Variants in GALNT13 observed in about 807,000 individuals in gnomAD.
GALNT13 encodes UDP-GalNAc:polypeptide N-acetylgalactosaminyltransferase 13.
GALNT13 carries 28 observed loss-of-function variants against 64.2 expected under a neutral mutation model. That is an observed-to-expected ratio of 0.44 (90% CI 0.32 to 0.60). GALNT13 has a LOEUF of 0.60. Ranked by LOEUF, GALNT13 falls within the 20% of genes least tolerant of loss-of-function variation. GALNT13 has a pLI of 0.05. For synonymous variants in GALNT13, 214 were observed against 224.6 expected, an observed-to-expected ratio of 0.95 and a Z score of 0.42; for missense variants, 577 against 669.8, an observed-to-expected ratio of 0.86 and a Z score of 1.53.
At chr2:153,774,237 C>A in the GALNT13 span, among the ~76,000 whole-genome samples, 1 of 151,746 alleles carries the variant, frequency 6.6e-6, no homozygotes, top group Non-Finnish European at 1.5e-5. Context: ...TAAATATTAT[C>A]TTGAAAAACT....
intron 3 of GALNT13, among the ~76,000 whole-genome samples, chr2:153,964,840 G>A (rs2105105589): frequency 6.6e-6 from 1 of 151,704 alleles, no homozygotes; most frequent in Non-Finnish European, 1.5e-5. Context: ...ATATATTATG[G>A]GCATTTTGTC....
At chr2:154,347,781 A>G (rs1341422076) in intron 9 of GALNT13, among the ~76,000 whole-genome samples, 1 of 152,156 alleles carries the variant, frequency 6.6e-6, no homozygotes, top group Non-Finnish European at 1.5e-5. Flanking sequence ...AACTCTCAGA[A>G]GTAGTTAGTA....
At chr2:153,846,140 A>C in the GALNT13 span, among the ~76,000 whole-genome samples, 1 of 152,192 alleles carries the variant, frequency 6.6e-6, no homozygotes, top group Non-Finnish European at 1.5e-5. Context: ...TTCCTTATGA[A>C]AACATAAGAA....
At chr2:154,168,795 T>C (rs558232406) in intron 4 of GALNT13, among the ~76,000 whole-genome samples, 7 of 151,838 alleles carry the variant, frequency 4.6e-5, no homozygotes, top group African/African-American at 1.7e-4. Flanking sequence ...GTGAGTGAGA[T>C]TGCACCACTG....
intron 7 of GALNT13, among the ~76,000 whole-genome samples, chr2:154,250,360 T>C (rs936963150): frequency 6.6e-6 from 1 of 152,212 alleles, no homozygotes; most frequent in African/African-American, 2.4e-5. Flanking sequence ...ATCATCAATA[T>C]TTTTCTATGC....
chr2:153,410,690 A>C, the GALNT13 span, among the ~76,000 whole-genome samples: 1 of 152,172 alleles, frequency 6.6e-6, no homozygotes, highest in Non-Finnish European at 1.5e-5. Flanking sequence ...TAATGTAAAA[A>C]ATGTAATAAT....
chr2:153,494,433 T>C, the GALNT13 span, among the ~76,000 whole-genome samples: 3 of 152,070 alleles, frequency 2.0e-5, no homozygotes, highest in South Asian at 2.1e-4. Context: ...TATAATAGAA[T>C]AGAGGGTCTA....
chr2:153,838,082 G>A, the GALNT13 span, among the ~76,000 whole-genome samples: 1 of 151,796 alleles, frequency 6.6e-6, no homozygotes, highest in Non-Finnish European at 1.5e-5. Flanking sequence ...TCTCTATTCA[G>A]GTCCTTTGTC....
the GALNT13 span, among the ~76,000 whole-genome samples, chr2:153,272,981 C>G: frequency 1.1e-4 from 16 of 152,216 alleles, no homozygotes; most frequent in Middle Eastern, 0.017. Flanking sequence ...ATGGATGAAG[C>G]TGCAATCCAT....
At chr2:153,225,316 A>G in the GALNT13 span, among the ~76,000 whole-genome samples, 1 of 152,238 alleles carries the variant, frequency 6.6e-6, no homozygotes, top group African/African-American at 2.4e-5. Context: ...GCCTCTTGTC[A>G]AACTAGGAAT....
At chr2:153,361,523 C>A in the GALNT13 span, among the ~76,000 whole-genome samples, 15 of 151,876 alleles carry the variant, frequency 9.9e-5, no homozygotes, top group African/African-American at 3.6e-4. Flanking sequence ...TAGAGGGGAA[C>A]AAAAATGACC....
At chr2:153,632,616 T>A in the GALNT13 span, among the ~76,000 whole-genome samples, 1 of 152,194 alleles carries the variant, frequency 6.6e-6, no homozygotes, top group Non-Finnish European at 1.5e-5. Context: ...TTTTATAAAA[T>A]AAAACATATA....
chr2:153,244,983 T>TC, the GALNT13 span, among the ~76,000 whole-genome samples: 3 of 152,222 alleles, frequency 2.0e-5, no homozygotes, highest in Non-Finnish European at 4.4e-5. Context: ...TAGGCTGTTT[T>TC]CCCCTGACAG....
At chr2:154,189,645 G>T (rs1686460116) in intron 4 of GALNT13, among the ~76,000 whole-genome samples, 1 of 151,392 alleles carries the variant, frequency 6.6e-6, no homozygotes, top group Non-Finnish European at 1.5e-5. Flanking sequence ...AGTTGAAGCA[G>T]ACTAAGACAG....
At chr2:153,426,536 A>G in the GALNT13 span, among the ~76,000 whole-genome samples, 5 of 152,022 alleles carry the variant, frequency 3.3e-5, no homozygotes, top group African/African-American at 7.2e-5. Flanking sequence ...GAAGAGAACT[A>G]TGATCAAAAG....
At chr2:154,087,388 T>C (rs1434043208) in intron 3 of GALNT13, among the ~76,000 whole-genome samples, 4 of 152,112 alleles carry the variant, frequency 2.6e-5, no homozygotes, top group African/African-American at 7.2e-5. Context: ...GCACTTATTA[T>C]ATCTTGATTA....
At chr2:153,266,854 G>GT in the GALNT13 span, among the ~76,000 whole-genome samples, 5 of 152,146 alleles carry the variant, frequency 3.3e-5, no homozygotes, top group Non-Finnish European at 7.3e-5. Flanking sequence ...CTTCCCAACA[G>GT]TCCCCCACGT....
intron 3 of GALNT13, among the ~76,000 whole-genome samples, chr2:154,038,621 A>G (rs1286051165): frequency 1.3e-5 from 2 of 152,182 alleles, no homozygotes; most frequent in African/African-American, 4.8e-5. Context: ...CTCAAAATGT[A>G]TTAAATATTT....
intron 3 of GALNT13, among the ~76,000 whole-genome samples, chr2:154,050,376 C>T (rs1699530413): frequency 1.3e-5 from 2 of 152,180 alleles, no homozygotes; most frequent in Admixed American, 1.3e-4. Flanking sequence ...AGACCCTGTG[C>T]TCTCATGCTA....
Sources: allele counts gnomAD v4.1 joint callset (sites outside exome capture counted in the v4.1 genomes callset), GRCh38; gene constraint gnomAD v4.1.1; transcripts MANE v1.5; gene names NCBI Gene and HGNC (gene_info 2026-07-23, HGNC 2026-07-21).